NDUFB5: variants seen among roughly 807,000 people sequenced by gnomAD.
The protein encoded by NDUFB5 is NADH dehydrogenase [ubiquinone] 1 beta subcomplex subunit 5, mitochondrial.
In NDUFB5, 19 loss-of-function variants were observed where a neutral mutation model predicts 19.4. The observed-to-expected ratio is 0.98, with a 90% CI of 0.68 to 1.43. NDUFB5 has a LOEUF of 1.43. Among genes scored for constraint, NDUFB5 ranks in the 40% most tolerant of loss-of-function variants. The pLI is 0.00. For missense variants in NDUFB5, 233 were observed against 236.5 expected (o/e 0.99, Z 0.10); for synonymous variants, 80 against 82.6 (o/e 0.97, Z 0.17).
At chr3:179,606,035 G>T (rs964943010) in intron 1 of NDUFB5, among the ~76,000 whole-genome samples, 1 of 151,956 alleles carries the variant, frequency 6.6e-6, no homozygotes, top group Non-Finnish European at 1.5e-5. Flanking sequence ...CAAATGATCC[G>T]CCCACCTCAG....
intron 3 of NDUFB5, 47 bp from the exon 4 acceptor site, chr3:179,616,936 A>T: frequency 7.0e-7 from 1 of 1,428,128 alleles, no homozygotes. Flanking sequence ...AATTAATTTT[A>T]TAAACTCCTC....
chr3:179,611,307 G>A (rs1198370604), intron 1 of NDUFB5, among the ~76,000 whole-genome samples: 3 of 152,162 alleles, frequency 2.0e-5, no homozygotes, highest in Admixed American at 6.5e-5. Context: ...GATGAATGAA[G>A]GATAGATGCA....
chr3:179,614,801 A>C (rs1483187934), intron 1 of NDUFB5, 170 bp from the exon 2 acceptor site: 1 of 398,240 alleles, frequency 2.5e-6, no homozygotes, highest in East Asian at 3.7e-5. Context: ...TGCCTACCTC[A>C]TAACAAGGTT....
rs1339180207 is a variant in NDUFB5 at position 179,612,579 on chromosome 3, AC to A, written c.125-2391del. ...CAAGCTCCGCCTCCTGGGTTTACTTACGCCATTCTCCTGCGGCCTCCCGAGT... is the reference window on the plus strand; with the variant it reads ...CAAGCTCCGCCTCCTGGGTTTACTTAGCCATTCTCCTGCGGCCTCCCGAGT... On this transcript the variant is annotated intron_variant, in intron 1 of 5. Transcript: ENST00000259037. Among the ~76,000 whole-genome samples, 361 of 142,384 alleles carry A rather than the reference AC, an allele frequency of 2.5e-3. 3 individuals carry two copies. The highest frequency in any genetic ancestry group is 0.016 in the Middle Eastern group (4 of 248). The allele number at this position is 142,384 out of a possible 152,430, so 93.4% of individuals were successfully genotyped here. A position where few individuals can be genotyped will look rare whatever the true frequency, so the allele number is the denominator to read the frequency against.
Position 179,608,966 on chromosome 3 carries a change from C to T in NDUFB5, c.124+4027C>T, listed in dbSNP as rs561763384. Among the ~76,000 whole-genome samples the T allele has an allele frequency of 1.5e-4, 23 of 152,272 alleles. No individual in the cohort carries two copies. In the South Asian group the frequency reaches 3.9e-3, roughly 26 times the overall value. ...GGATTACAGCTGTGAGCCACTACACCGAAGCACTTGCAGATTTTAATTACT... is the reference window on the plus strand; with the variant it reads ...GGATTACAGCTGTGAGCCACTACACTGAAGCACTTGCAGATTTTAATTACT... On this transcript the variant is annotated intron_variant, in intron 1 of 5. Transcript: ENST00000259037.
intron 5 of NDUFB5, among the ~76,000 whole-genome samples, chr3:179,621,750 G>A (rs1385966665): frequency 1.3e-5 from 2 of 151,282 alleles, no homozygotes; most frequent in African/African-American, 2.4e-5. Flanking sequence ...CAAAGTGCTG[G>A]GATTACATAC....
At position 179,627,283 on chromosome 3, in the gene NDUFB5, A is replaced by C. The variant is rs1168651459; in HGVS notation, c.*3243A>C. ...CCAATTCCCCCTGAGAAAGAGAAAG[A>C]GCTGGAGTCCTTTAAAAATTCACTG... On this transcript the variant is annotated 3_prime_UTR_variant, in exon 6 of 6. Transcript: ENST00000259037. The C allele has an allele frequency of 6.6e-6, 1 of 152,214 alleles. No homozygotes were observed. Among genetic ancestry groups the C allele is most frequent in the African/African-American group, 2.4e-5 (1 of 41,456 alleles). 9.4% of individuals were successfully genotyped at this position (152,214 alleles called of 1,614,324 possible). A position where few individuals can be genotyped will look rare whatever the true frequency, so the allele number is the denominator to read the frequency against.
intron 5 of NDUFB5, among the ~76,000 whole-genome samples, chr3:179,621,998 C>T (rs1719551469): frequency 6.6e-6 from 1 of 152,036 alleles, no homozygotes; most frequent in Non-Finnish European, 1.5e-5. Flanking sequence ...GACAGGATCT[C>T]GTTCTGTTGC....
chr3:179,606,574 G>A (rs888049101), intron 1 of NDUFB5, among the ~76,000 whole-genome samples: 1 of 152,058 alleles, frequency 6.6e-6, no homozygotes, highest in African/African-American at 2.4e-5. Flanking sequence ...TCCTGACCTC[G>A]TGATCCACCT....
chr3:179,625,049 C>G lies in NDUFB5; in HGVS notation c.*1009C>G, dbSNP rs941492961. On this transcript the variant is annotated 3_prime_UTR_variant, in exon 6 of 6. Transcript: ENST00000259037. Reference sequence around the variant, plus strand: ...AGGTGATTGGCCTGTCTCCACTTCCCAAAGTGCTGATTACAGGCCTGAGCC... The same window carrying G: ...AGGTGATTGGCCTGTCTCCACTTCCGAAAGTGCTGATTACAGGCCTGAGCC... 6.6e-6 allele frequency: 1 copy of G among 152,056 alleles called. No homozygotes were observed. Among genetic ancestry groups the G allele is most frequent in the Admixed American group, 6.6e-5 (1 of 15,262 alleles). 9.4% of individuals were successfully genotyped at this position (152,056 alleles called of 1,614,324 possible).
intron 5 of NDUFB5, 106 bp downstream of exon 5, chr3:179,618,627 A>G (rs940201753): frequency 2.7e-5 from 20 of 742,436 alleles, no homozygotes; most frequent in Non-Finnish European, 4.1e-5. Flanking sequence ...AGGATACTTT[A>G]TGTAAAAGGA....
intron 4 of NDUFB5, among the ~76,000 whole-genome samples, chr3:179,617,964 T>C (rs530321703): frequency 6.6e-6 from 1 of 152,382 alleles, no homozygotes; most frequent in South Asian, 2.1e-4. Context: ...CATCATGTTT[T>C]ATTATCTGAA....
At chr3:179,615,421 G>A (rs1367765307) in intron 2 of NDUFB5, 1 of 260,862 alleles carries the variant, frequency 3.8e-6, no homozygotes, top group East Asian at 8.7e-5. Flanking sequence ...ATTATTTTGG[G>A]ATATGATTTT....
chr3:179,608,581 C>A (rs1719162454), intron 1 of NDUFB5, among the ~76,000 whole-genome samples: 1 of 152,166 alleles, frequency 6.6e-6, no homozygotes. Context: ...TTTTCCAGAG[C>A]TTGTAGACCT....
chr3:179,606,035 G>A (rs964943010), intron 1 of NDUFB5, among the ~76,000 whole-genome samples: 5 of 151,956 alleles, frequency 3.3e-5, no homozygotes, highest in Non-Finnish European at 7.4e-5. Context: ...CAAATGATCC[G>A]CCCACCTCAG....
intron 1 of NDUFB5, among the ~76,000 whole-genome samples, chr3:179,606,390 G>A (rs534054089): frequency 9.9e-5 from 15 of 152,258 alleles, no homozygotes; most frequent in Non-Finnish European, 1.9e-4. Flanking sequence ...CCAGGCTGGA[G>A]TGCAATGGCG....
intron 1 of NDUFB5, among the ~76,000 whole-genome samples, chr3:179,612,678 G>A (rs1459314133): frequency 2.0e-5 from 3 of 150,336 alleles, no homozygotes; most frequent in African/African-American, 4.9e-5. Flanking sequence ...GGGTTTCACC[G>A]TGTTAGCCAG....
At chr3:179,615,479 T>C in intron 2 of NDUFB5, 1 of 403,406 alleles carries the variant, frequency 2.5e-6, no homozygotes, top group South Asian at 1.8e-5. Flanking sequence ...GTAACAGGGA[T>C]CTATAGTGCA....
intron 2 of NDUFB5, chr3:179,615,399 TAAAG>T: frequency 3.8e-6 from 1 of 260,186 alleles, no homozygotes; most frequent in South Asian, 4.4e-5. Flanking sequence ...CTTGCTTAAA[TAAAG>T]GAGCTACATT....
Sources: allele counts gnomAD v4.1 joint callset (sites outside exome capture counted in the v4.1 genomes callset), GRCh38; gene constraint gnomAD v4.1.1; transcripts MANE v1.5; gene names NCBI Gene and HGNC (gene_info 2026-07-23, HGNC 2026-07-21).